LRIG1: variants seen among roughly 807,000 people sequenced by gnomAD.
LRIG1 encodes the protein leucine rich repeats and immunoglobulin like domains 1, also known as leucine-rich repeats and immunoglobulin-like domains protein 1.
LRIG1 carries 48 observed loss-of-function variants against 99.2 expected under a neutral mutation model. The ratio of observed to expected loss-of-function variants is 0.48; its 90% CI spans 0.38 to 0.62. The LOEUF (loss-of-function observed/expected upper bound fraction) is 0.62. Ranked by LOEUF, LRIG1 falls within the 20% of genes least tolerant of loss-of-function variation. The probability of loss-of-function intolerance (pLI) is 0.00; values close to 1 mark genes in which losing one functional copy is unlikely to be tolerated. For missense variants in LRIG1, 1,646 were observed against 1,434.4 expected (o/e 1.15, Z -2.38); for synonymous variants, 772 against 596.1 (o/e 1.29, Z -4.30).
chr3:66,427,235 A>G (rs972505173), intron 3 of LRIG1, among the ~76,000 whole-genome samples: 1 of 152,210 alleles, frequency 6.6e-6, no homozygotes, highest in East Asian at 1.9e-4. Context: ...CCACCCACAT[A>G]CAGCACGCAC....
At chr3:66,444,440 C>G (rs138667819) in intron 3 of LRIG1, among the ~76,000 whole-genome samples, 31 of 152,326 alleles carry the variant, frequency 2.0e-4, no homozygotes, top group African/African-American at 6.7e-4. Flanking sequence ...AAACAAATGC[C>G]TGCCACCACA....
At chr3:66,483,263 C>T (rs1315134596) in intron 1 of LRIG1, among the ~76,000 whole-genome samples, 3 of 152,216 alleles carry the variant, frequency 2.0e-5, no homozygotes, top group African/African-American at 7.2e-5. Flanking sequence ...AGGAGCTCTG[C>T]CAGCTGGGTT....
At position 66,472,323 on chromosome 3, in the gene LRIG1, A is replaced by C. The variant is rs909172968; in HGVS notation, c.219-9814T>G. 3.8e-4 allele frequency among the ~76,000 whole-genome samples: 58 copies of C among 151,122 alleles called. 2 individuals are homozygous for C. The highest frequency in any genetic ancestry group is 6.6e-4 in the Admixed American group (10 of 15,122). On this transcript the variant is annotated intron_variant, in intron 1 of 18. Coordinates refer to ENST00000273261, the MANE Select transcript of LRIG1 (RefSeq NM_015541.3). ...TGTCTCAAAAAAAAAAAAAAAAAAAAAAAAAAAAAACACTAACTTCGGATG... is the reference window on the plus strand; with the variant it reads ...TGTCTCAAAAAAAAAAAAAAAAAAACAAAAAAAAAACACTAACTTCGGATG...
intron 1 of LRIG1, among the ~76,000 whole-genome samples, chr3:66,469,674 A>G (rs2106861765): frequency 6.6e-6 from 1 of 152,300 alleles, no homozygotes; most frequent in Middle Eastern, 3.4e-3. Flanking sequence ...AATTTGACAA[A>G]TATTTATTGT....
chr3:66,425,434 A>C (rs1193675639), intron 3 of LRIG1, among the ~76,000 whole-genome samples: 1 of 152,240 alleles, frequency 6.6e-6, no homozygotes, highest in African/African-American at 2.4e-5. Context: ...ATAAAGCTCA[A>C]GTTTTTACTT....
intron 3 of LRIG1, among the ~76,000 whole-genome samples, chr3:66,419,112 C>G (rs576434954): frequency 6.6e-6 from 1 of 152,168 alleles, no homozygotes; most frequent in South Asian, 2.1e-4. Flanking sequence ...GGTATCAGGG[C>G]GCCAGGAAAA....
intron 3 of LRIG1, among the ~76,000 whole-genome samples, chr3:66,418,396 G>A (rs1014940368): frequency 1.3e-5 from 2 of 152,176 alleles, no homozygotes; most frequent in African/African-American, 4.8e-5. Context: ...GCTGGCCTGT[G>A]CGCACCTTTA....
chr3:66,403,126 A>G lies in LRIG1; in HGVS notation c.1160+2072T>C, dbSNP rs75118649. Among the ~76,000 whole-genome samples the G allele has an allele frequency of 7.8e-3, 1,188 of 152,174 alleles. 13 individuals carry two copies. Among genetic ancestry groups the G allele is most frequent in the Middle Eastern group, 0.027 (8 of 294 alleles). On this transcript the variant is annotated intron_variant, in intron 9 of 18. Transcript: ENST00000273261. Reference sequence around the variant, plus strand: ...CCCAAGTGCCCGTGACACAGTGCCAATCCTCCTCCGGTCGTGCCAATCTCA... The same window carrying G: ...CCCAAGTGCCCGTGACACAGTGCCAGTCCTCCTCCGGTCGTGCCAATCTCA...
chr3:66,417,044 C>A, intron 4 of LRIG1, 85 bp downstream of exon 4: 1 of 1,533,158 alleles, frequency 6.5e-7, no homozygotes. Context: ...AGCATCCCTC[C>A]TGCATCCAGA....
At chr3:66,384,862 C>T (rs559356318) in intron 13 of LRIG1, among the ~76,000 whole-genome samples, 1 of 152,274 alleles carries the variant, frequency 6.6e-6, no homozygotes, top group South Asian at 2.1e-4. Context: ...CATCCAGCCA[C>T]GTGTCAGGCA....
At chr3:66,430,651 G>A (rs1330050123) in intron 3 of LRIG1, among the ~76,000 whole-genome samples, 1 of 152,168 alleles carries the variant, frequency 6.6e-6, no homozygotes, top group Admixed American at 6.5e-5. Flanking sequence ...AGGGGCTTGA[G>A]GAGTTAGTTC....
At chr3:66,402,508 T>C (rs568948862) in intron 9 of LRIG1, among the ~76,000 whole-genome samples, 1 of 152,240 alleles carries the variant, frequency 6.6e-6, no homozygotes, top group South Asian at 2.1e-4. Context: ...GCTACTCACA[T>C]CTCCCTTTCT....
At chr3:66,428,450 T>A (rs899342891) in intron 3 of LRIG1, among the ~76,000 whole-genome samples, 8 of 152,078 alleles carry the variant, frequency 5.3e-5, no homozygotes, top group Admixed American at 3.9e-4. Context: ...TAGAATTTTT[T>A]AAAATAAGTG....
intron 2 of LRIG1, among the ~76,000 whole-genome samples, chr3:66,452,825 G>C (rs1173915667): frequency 6.6e-6 from 1 of 152,188 alleles, no homozygotes; most frequent in Non-Finnish European, 1.5e-5. Context: ...ATGAAGCTTG[G>C]CAATTACTGG....
At chr3:66,493,362 C>T (rs897880073) in intron 1 of LRIG1, among the ~76,000 whole-genome samples, 2 of 152,160 alleles carry the variant, frequency 1.3e-5, no homozygotes, top group African/African-American at 4.8e-5. Flanking sequence ...ACTATTTGTA[C>T]AACTGGAATA....
chr3:66,496,891 G>C (rs1159638188), intron 1 of LRIG1, among the ~76,000 whole-genome samples: 1 of 152,208 alleles, frequency 6.6e-6, no homozygotes, highest in Non-Finnish European at 1.5e-5. Flanking sequence ...TGTAAAATTT[G>C]AAAGACAAAG....
chr3:66,445,755 G>C (rs905359690), intron 3 of LRIG1, among the ~76,000 whole-genome samples: 1 of 152,246 alleles, frequency 6.6e-6, no homozygotes, highest in African/African-American at 2.4e-5. Flanking sequence ...AAGGCAGGCA[G>C]TGAAGAGAAG....
rs142175377 is a variant in LRIG1 at position 66,437,199 on chromosome 3, A to G, written c.365+14360T>C. Among the ~76,000 whole-genome samples the G allele has an allele frequency of 1.9e-3, 287 of 152,328 alleles. 2 individuals carry two copies. The highest frequency in any genetic ancestry group is 6.7e-3 in the African/African-American group (277 of 41,576). On this transcript the variant is annotated intron_variant, in intron 3 of 18. Transcript: ENST00000273261. The stretch of plus-strand genomic sequence containing the variant: ...TGACTCTCCACCTTCGCTTCACAGA[A>G]AGCCTTTCCCAAACCACCTGCTGGC...
intron 1 of LRIG1, among the ~76,000 whole-genome samples, chr3:66,475,925 G>A (rs1404654387): frequency 2.0e-5 from 3 of 152,096 alleles, no homozygotes; most frequent in African/African-American, 4.8e-5. Context: ...CACGTAATTC[G>A]CCACTACAAA....
Sources: gnomAD v4.1 joint callset for allele counts (sites outside exome capture counted in the v4.1 genomes callset) on GRCh38, gnomAD v4.1.1 for gene constraint, MANE v1.5 for transcripts, NCBI Gene and HGNC (gene_info 2026-07-23, HGNC 2026-07-21) for gene names.